Variants in APBB2 observed in about 807,000 individuals in gnomAD.
The protein encoded by APBB2 is Fe65-like 1.
Under a neutral mutation model 82.5 loss-of-function variants are expected in APBB2, and 38 were observed. The ratio of observed to expected loss-of-function variants is 0.46; its 90% CI spans 0.36 to 0.60. The LOEUF (loss-of-function observed/expected upper bound fraction) is 0.60, where lower values mean the gene tolerates loss of function less well. APBB2 is among the 20% of genes least tolerant of loss of function. The pLI, the probability that APBB2 is intolerant of heterozygous loss-of-function variation, is 0.00. For synonymous variants in APBB2, 341 were observed against 368.2 expected (o/e 0.93, Z 0.85); for missense variants, 772 against 972.3 (o/e 0.79, Z 2.74).
chr4:41,094,761 C>T (rs1742968643), intron 3 of APBB2, among the ~76,000 whole-genome samples: 1 of 152,070 alleles, frequency 6.6e-6, no homozygotes, highest in African/African-American at 2.4e-5. Context: ...GACGGGGTTT[C>T]GCTATGTTGG....
intron 12 of APBB2, among the ~76,000 whole-genome samples, chr4:40,889,471 G>A (rs1263519102): frequency 6.6e-6 from 1 of 152,156 alleles, no homozygotes; most frequent in Non-Finnish European, 1.5e-5. Flanking sequence ...TGTTGTCGGG[G>A]ATTTTTATCC....
intron 10 of APBB2, among the ~76,000 whole-genome samples, chr4:40,931,380 C>G (rs1276192660): frequency 6.6e-6 from 1 of 152,156 alleles, no homozygotes; most frequent in Non-Finnish European, 1.5e-5. Flanking sequence ...CCAGGCTCCT[C>G]CCACCTCGGT....
chr4:41,150,587 G>A (rs1473741240), intron 1 of APBB2, among the ~76,000 whole-genome samples: 1 of 152,102 alleles, frequency 6.6e-6, no homozygotes, highest in East Asian at 1.9e-4. Context: ...CCCTCATGAA[G>A]CCTTCCCCAG....
chr4:41,101,024 T>C (rs1310828471), intron 2 of APBB2, among the ~76,000 whole-genome samples: 1 of 152,176 alleles, frequency 6.6e-6, no homozygotes, highest in African/African-American at 2.4e-5. Flanking sequence ...AAAGATGTCT[T>C]TCTCAGGGAG....
intron 12 of APBB2, chr4:40,881,176 T>C: frequency 1.0e-6 from 1 of 985,432 alleles, no homozygotes. Context: ...ATCATGGAGC[T>C]GCATTAAAGA....
chr4:41,105,843 G>A (rs1456785865), intron 2 of APBB2, among the ~76,000 whole-genome samples: 1 of 146,974 alleles, frequency 6.8e-6, no homozygotes, highest in African/African-American at 2.5e-5. Flanking sequence ...CCCAGATAGC[G>A]CCACTGCACT....
At chr4:41,074,091 A>G (rs1734792065) in intron 3 of APBB2, among the ~76,000 whole-genome samples, 1 of 152,226 alleles carries the variant, frequency 6.6e-6, no homozygotes, top group Admixed American at 6.5e-5. Flanking sequence ...GTGCCACTGC[A>G]CTTCAGCCTG....
chr4:41,012,876 G>A (rs758282101), intron 6 of APBB2, among the ~76,000 whole-genome samples: 9 of 152,166 alleles, frequency 5.9e-5, no homozygotes, highest in African/African-American at 1.2e-4. Context: ...TAAAGTAGCT[G>A]ACTTTTAGGA....
chr4:41,002,760 C>T (rs545885041), intron 6 of APBB2, among the ~76,000 whole-genome samples: 1 of 152,170 alleles, frequency 6.6e-6, no homozygotes, highest in Non-Finnish European at 1.5e-5. Flanking sequence ...GTAACACTGT[C>T]CATGGAACAA....
intron 12 of APBB2, among the ~76,000 whole-genome samples, chr4:40,887,546 G>GA (rs201264192): frequency 0.022 from 3,239 of 150,518 alleles, 78 homozygotes; most frequent in African/African-American, 0.056. Context: ...TGCTGTTAAG[G>GA]AAAAAAAAAG....
intron 1 of APBB2, among the ~76,000 whole-genome samples, chr4:41,206,623 C>A (rs1777998532): frequency 6.6e-6 from 1 of 152,062 alleles, no homozygotes; most frequent in African/African-American, 2.4e-5. Flanking sequence ...GTCTCTACAC[C>A]CAAATCATGC....
Position 41,093,758 on chromosome 4 carries a change from G to A in APBB2, c.-149+6881C>T, listed in dbSNP as rs13102860. On this transcript the variant is annotated intron_variant, in intron 3 of 17. Transcript: ENST00000508593. Reference sequence around the variant, plus strand: ...AATCCCAGCTACTTGGGAGCCTGAGGCGGAAGAATCGCTTGAATCTGGGAG... The same window carrying A: ...AATCCCAGCTACTTGGGAGCCTGAGACGGAAGAATCGCTTGAATCTGGGAG... Among the ~76,000 whole-genome samples, 1,125 of 152,238 alleles carry A rather than the reference G, an allele frequency of 7.4e-3. 15 individuals carry two copies. Among genetic ancestry groups the A allele is most frequent in the African/African-American group, 0.025 (1,047 of 41,528 alleles).
intron 4 of APBB2, among the ~76,000 whole-genome samples, chr4:41,038,252 T>G (rs1720030651): frequency 6.6e-6 from 1 of 151,562 alleles, no homozygotes; most frequent in Non-Finnish European, 1.5e-5. Context: ...ATAAATAAAA[T>G]GCCCTCTTGT....
At chr4:40,817,061 TAA>T (rs979098224) in intron 17 of APBB2, among the ~76,000 whole-genome samples, 3 of 152,160 alleles carry the variant, frequency 2.0e-5, no homozygotes, top group African/African-American at 7.2e-5. Flanking sequence ...TAAGATTAGA[TAA>T]AAAGTTAAAA....
At chr4:40,858,449 C>T (rs867500972) in intron 12 of APBB2, among the ~76,000 whole-genome samples, 147 of 75,052 alleles carry the variant, frequency 2.0e-3, no homozygotes, top group African/African-American at 8.2e-3. Context: ...AGTGAGAGTC[C>T]GTCTCAAAAA....
chr4:41,004,124 G>A (rs1805997788), intron 6 of APBB2, among the ~76,000 whole-genome samples: 1 of 151,220 alleles, frequency 6.6e-6, no homozygotes, highest in African/African-American at 2.4e-5. Context: ...TCACCATGTT[G>A]GCCAGACTGG....
intron 1 of APBB2, among the ~76,000 whole-genome samples, chr4:41,183,622 AACC>A (rs1772038054): frequency 6.6e-6 from 1 of 152,072 alleles, no homozygotes; most frequent in African/African-American, 2.4e-5. Flanking sequence ...ATTGCCAGGA[AACC>A]ACCAAGAGCT....
intron 3 of APBB2, among the ~76,000 whole-genome samples, chr4:41,082,214 TAAAAG>T (rs1409226521): frequency 6.6e-6 from 1 of 152,232 alleles, no homozygotes; most frequent in African/African-American, 2.4e-5. Flanking sequence ...CCTCATAACT[TAAAAG>T]AACACCAATC....
At chr4:40,927,458 G>T (rs1782898129) in intron 10 of APBB2, among the ~76,000 whole-genome samples, 1 of 152,064 alleles carries the variant, frequency 6.6e-6, no homozygotes, top group African/African-American at 2.4e-5. Flanking sequence ...CCAAGCAAAA[G>T]AAATTCTGAT....
Sources: gnomAD v4.1 joint callset for allele counts (sites outside exome capture counted in the v4.1 genomes callset) on GRCh38, gnomAD v4.1.1 for gene constraint, MANE v1.5 for transcripts, NCBI Gene and HGNC (gene_info 2026-07-23, HGNC 2026-07-21) for gene names.